TENM2: variants seen among roughly 807,000 people sequenced by gnomAD.
TENM2 encodes the protein teneurin transmembrane protein 2, also known as teneurin-2.
In TENM2, 52 loss-of-function variants were observed where a neutral mutation model predicts 245.2. The observed-to-expected ratio is 0.21, with a 90% confidence interval of 0.17 to 0.27. TENM2 has a LOEUF of 0.27. Ranked by LOEUF, TENM2 falls within the 10% of genes least tolerant of loss-of-function variation. The pLI is 1.00. For missense variants in TENM2, 3,046 were observed against 3,666.8 expected, an observed-to-expected ratio of 0.83 and a Z score of 4.37; for synonymous variants, 1,363 against 1,438.9, an observed-to-expected ratio of 0.95 and a Z score of 1.19.
intron 13 of TENM2, among the ~76,000 whole-genome samples, chr5:168,167,421 T>C (rs1758400538): frequency 6.6e-6 from 1 of 152,104 alleles, no homozygotes. Context: ...AGCCCTTCCA[T>C]CATTTCAAGC....
intron 2 of TENM2, among the ~76,000 whole-genome samples, chr5:167,751,712 G>T (rs1582912250): frequency 1.3e-5 from 2 of 151,996 alleles, no homozygotes; most frequent in Non-Finnish European, 2.9e-5. Flanking sequence ...TTTAAAAGTA[G>T]CTTTCCCACT....
intron 2 of TENM2, among the ~76,000 whole-genome samples, chr5:167,463,683 G>T (rs1384845344): frequency 6.6e-6 from 1 of 151,988 alleles, no homozygotes; most frequent in East Asian, 1.9e-4. Context: ...ATTTTTAGTA[G>T]AGAAGGGGTT....
chr5:167,883,374 G>A (rs1032618427), intron 3 of TENM2, among the ~76,000 whole-genome samples: 4 of 152,170 alleles, frequency 2.6e-5, no homozygotes, highest in Non-Finnish European at 5.9e-5. Flanking sequence ...TACTGCACAT[G>A]TGCACGTGTG....
intron 2 of TENM2, among the ~76,000 whole-genome samples, chr5:167,476,641 C>T (rs913726518): frequency 1.3e-5 from 2 of 151,994 alleles, no homozygotes; most frequent in African/African-American, 4.8e-5. Context: ...CTTTGTTGCC[C>T]AGGCTGGGGT....
At chr5:167,184,756 G>C in the TENM2 span, among the ~76,000 whole-genome samples, 24 of 152,088 alleles carry the variant, frequency 1.6e-4, no homozygotes, top group Non-Finnish European at 2.6e-4. Context: ...CAGTCCTCAG[G>C]CTACCTTTTG....
chr5:167,270,363 G>A, the TENM2 span, among the ~76,000 whole-genome samples: 1 of 152,094 alleles, frequency 6.6e-6, no homozygotes, highest in African/African-American at 2.4e-5. Context: ...GAGTGGTGGT[G>A]GTGATGGTAA....
chr5:167,270,820 G>C, the TENM2 span, among the ~76,000 whole-genome samples: 2 of 152,108 alleles, frequency 1.3e-5, no homozygotes, highest in Non-Finnish European at 2.9e-5. Flanking sequence ...TCCCAATCTT[G>C]ATGTGAGCAC....
chr5:167,837,666 A>T (rs1417410987), intron 2 of TENM2, among the ~76,000 whole-genome samples: 1 of 152,222 alleles, frequency 6.6e-6, no homozygotes, highest in African/African-American at 2.4e-5. Context: ...TTGCACAGTT[A>T]AAACTTTAAA....
chr5:168,244,999 C>T lies in TENM2; in HGVS notation c.5817+283C>T, dbSNP rs547715049. 1.4e-4 allele frequency among the ~76,000 whole-genome samples: 22 copies of T among 152,162 alleles called. No homozygotes were observed. The highest frequency in any genetic ancestry group is 5.3e-4 in the African/African-American group (22 of 41,532). On this transcript the variant is annotated intron_variant, in intron 26 of 28. Transcript: ENST00000518659. This position sits in a 1 kb window ranked among gnomAD's most constrained non-coding sequence, Gnocchi z 4.9. Reference sequence around the variant, plus strand: ...GCCAGGCTGGTCTCGAATTCCTGACCTCAGGTGATCGCCCACCTCAGCCTC... The same window carrying T: ...GCCAGGCTGGTCTCGAATTCCTGACTTCAGGTGATCGCCCACCTCAGCCTC...
intron 2 of TENM2, among the ~76,000 whole-genome samples, chr5:167,557,522 A>T (rs1318590347): frequency 6.6e-6 from 1 of 152,228 alleles, no homozygotes; most frequent in Non-Finnish European, 1.5e-5. Flanking sequence ...AACAGTTTAA[A>T]GAAGCAATAG....
intron 12 of TENM2, 75 bp from the exon 15 acceptor site, chr5:168,162,536 C>G (rs1757838416): frequency 2.6e-6 from 4 of 1,534,454 alleles, no homozygotes; most frequent in South Asian, 2.4e-5. Context: ...GCCTTGCTCC[C>G]CTCTGCATGG....
At chr5:167,474,056 C>T (rs1767213129) in intron 2 of TENM2, among the ~76,000 whole-genome samples, 1 of 152,030 alleles carries the variant, frequency 6.6e-6, no homozygotes, top group Non-Finnish European at 1.5e-5. Flanking sequence ...CTAATCTAAC[C>T]TAAAAATAAA....
At chr5:168,061,845 T>C (rs919443413) in intron 6 of TENM2, among the ~76,000 whole-genome samples, 1 of 152,196 alleles carries the variant, frequency 6.6e-6, no homozygotes, top group African/African-American at 2.4e-5. Flanking sequence ...TAGAAAGCAT[T>C]GTGCCAAGAT....
chr5:167,813,728 G>T (rs966567928), intron 2 of TENM2, among the ~76,000 whole-genome samples: 2 of 152,212 alleles, frequency 1.3e-5, no homozygotes, highest in South Asian at 4.1e-4. Flanking sequence ...CTTGGGAACA[G>T]GCTATGCCCC....
intron 12 of TENM2, among the ~76,000 whole-genome samples, chr5:168,133,135 T>A (rs1208399003): frequency 6.6e-6 from 1 of 152,232 alleles, no homozygotes; most frequent in Non-Finnish European, 1.5e-5. Context: ...CAGGGCATGA[T>A]ACACAAACTT....
chr5:167,202,677 C>T, the TENM2 span, among the ~76,000 whole-genome samples: 2 of 152,136 alleles, frequency 1.3e-5, no homozygotes, highest in African/African-American at 4.8e-5. Context: ...AGGTGTGGCT[C>T]CTGGGAGTAC....
intron 5 of TENM2, among the ~76,000 whole-genome samples, chr5:168,010,677 C>G (rs78566877): frequency 0.03 from 4,559 of 152,274 alleles, 233 homozygotes; most frequent in African/African-American, 0.1. Context: ...GAGAGATGTT[C>G]ATGGGGAAAA....
At chr5:167,318,448 A>G (rs1240016057) in intron 1 of TENM2, among the ~76,000 whole-genome samples, 2 of 151,608 alleles carry the variant, frequency 1.3e-5, no homozygotes, top group Admixed American at 1.3e-4. Context: ...TTTTTACACA[A>G]TTACATGTTT....
intron 11 of TENM2, among the ~76,000 whole-genome samples, chr5:168,126,097 C>A (rs550896144): frequency 6.6e-6 from 1 of 152,222 alleles, no homozygotes; most frequent in Non-Finnish European, 1.5e-5. Context: ...CCTCCCCAAG[C>A]ACAAAAGACT....
Sources: gnomAD v4.1 joint callset for allele counts (sites outside exome capture counted in the v4.1 genomes callset) on GRCh38, gnomAD v4.1.1 for gene constraint, Gnocchi (gnomAD v3.1) non-coding constraint, MANE v1.5 for transcripts, NCBI Gene and HGNC (gene_info 2026-07-23, HGNC 2026-07-21) for gene names.